Variants in NELL1 observed in about 807,000 individuals in gnomAD.
The protein encoded by NELL1 is neural EGFL like 1.
NELL1 carries 76 observed loss-of-function variants against 107.4 expected under a neutral mutation model. The ratio of observed to expected loss-of-function variants is 0.71; its 90% confidence interval spans 0.59 to 0.86. NELL1 has a LOEUF of 0.86. Ranked by LOEUF, NELL1 falls within the 40% of genes least tolerant of loss-of-function variation. NELL1 has a pLI of 0.00. For synonymous variants in NELL1, 353 were observed against 341.2 expected (o/e 1.03, Z -0.38); for missense variants, 1,024 against 1,005.5 (o/e 1.02, Z -0.25).
intron 15 of NELL1, among the ~76,000 whole-genome samples, chr11:21,476,877 A>T (rs1425530394): frequency 6.6e-6 from 1 of 152,156 alleles, no homozygotes; most frequent in African/African-American, 2.4e-5. Flanking sequence ...TAGGCAGAAC[A>T]CAGCTGGTGT....
chr11:20,909,270 G>A (rs1257028029), intron 5 of NELL1, among the ~76,000 whole-genome samples: 2 of 152,140 alleles, frequency 1.3e-5, no homozygotes, highest in African/African-American at 4.8e-5. Context: ...ATAACACTGT[G>A]AATGTATTTA....
chr11:21,075,682 G>T (rs955451075), intron 12 of NELL1, among the ~76,000 whole-genome samples: 2 of 152,172 alleles, frequency 1.3e-5, no homozygotes, highest in African/African-American at 4.8e-5. Flanking sequence ...CTATGCTCAA[G>T]TGATCCTCCT....
In NELL1 at chr11:21,570,825, TC is replaced by T; in HGVS notation, c.2043del (p.Cys682ValfsTer14). Reference sequence around the variant, plus strand: ...TGCCAGAATCCAAGTGCTGACCTATTCTGTTGCCCAGAATGTGACACCAGAG... The same window carrying T: ...TGCCAGAATCCAAGTGCTGACCTATTTGTTGCCCAGAATGTGACACCAGAG... The part of the protein sequence containing the change: ...CDCQNPSADL[F>X]CCPECDTRVT... On this transcript the variant is annotated frameshift_variant, in exon 18 of 20. Coordinates refer to ENST00000357134, the MANE Select transcript of NELL1 (RefSeq NM_006157.5). LOFTEE classifies it high-confidence loss of function. The T allele has an allele frequency of 1.2e-6, 2 of 1,611,974 alleles. No homozygotes were observed. Among genetic ancestry groups the T allele is most frequent in the Non-Finnish European group, 1.7e-6 (2 of 1,178,696 alleles).
intron 3 of NELL1, among the ~76,000 whole-genome samples, chr11:20,822,420 A>G (rs1857776925): frequency 6.6e-6 from 1 of 152,214 alleles, no homozygotes; most frequent in African/African-American, 2.4e-5. Context: ...ATAAATGCCT[A>G]GTATATTTTG....
chr11:21,510,427 G>T (rs1488627824), intron 15 of NELL1, among the ~76,000 whole-genome samples: 4 of 152,150 alleles, frequency 2.6e-5, no homozygotes, highest in Middle Eastern at 3.2e-3. Flanking sequence ...AAGCATGAAG[G>T]AAAGTTCAGT....
chr11:20,703,160 A>G (rs1188579675), intron 2 of NELL1, among the ~76,000 whole-genome samples: 1 of 152,080 alleles, frequency 6.6e-6, no homozygotes, highest in Non-Finnish European at 1.5e-5. Flanking sequence ...GTAGGCTATT[A>G]CTTATTGCCT....
At chr11:21,407,157 TGTAATCCCA>T (rs1852256164) in intron 15 of NELL1, among the ~76,000 whole-genome samples, 1 of 152,094 alleles carries the variant, frequency 6.6e-6, no homozygotes, top group South Asian at 2.1e-4. Context: ...GGCTCATACC[TGTAATCCCA>T]GCACTTTGGG....
chr11:21,285,710 C>A (rs1436394583), intron 14 of NELL1, among the ~76,000 whole-genome samples: 2 of 152,142 alleles, frequency 1.3e-5, no homozygotes, highest in Non-Finnish European at 2.9e-5. Context: ...AGAGAACTAT[C>A]GATTGTAAAC....
intron 13 of NELL1, among the ~76,000 whole-genome samples, chr11:21,164,240 T>C (rs932497851): frequency 2.0e-5 from 3 of 152,210 alleles, no homozygotes; most frequent in African/African-American, 7.2e-5. Context: ...TTTTTATATA[T>C]GGGTTTTTTC....
intron 14 of NELL1, among the ~76,000 whole-genome samples, chr11:21,328,689 A>G (rs1590841531): frequency 6.6e-6 from 1 of 152,150 alleles, no homozygotes; most frequent in Non-Finnish European, 1.5e-5. Flanking sequence ...GGGGAGCTAT[A>G]CCCTGCAAAG....
intron 2 of NELL1, among the ~76,000 whole-genome samples, chr11:20,748,494 A>T (rs1262111270): frequency 5.9e-5 from 9 of 152,292 alleles, no homozygotes; most frequent in South Asian, 4.1e-4. Context: ...ATTTTAGTGT[A>T]CCCATCATCT....
intron 15 of NELL1, among the ~76,000 whole-genome samples, chr11:21,501,931 C>A (rs913042026): frequency 1.3e-5 from 2 of 152,206 alleles, no homozygotes; most frequent in South Asian, 4.1e-4. Context: ...TGTTCTATTA[C>A]CACCCCTGGC....
chr11:21,131,334 CA>C (rs1402915436), intron 13 of NELL1, among the ~76,000 whole-genome samples: 1 of 152,164 alleles, frequency 6.6e-6, no homozygotes, highest in Non-Finnish European at 1.5e-5. Flanking sequence ...TTTGTGTCAG[CA>C]TTCACCATGA....
intron 2 of NELL1, among the ~76,000 whole-genome samples, chr11:20,706,524 TGGG>T (rs1854961457): frequency 4.1e-5 from 1 of 24,612 alleles, no homozygotes; most frequent in Non-Finnish European, 6.9e-5. Context: ...GTTGTGGGGT[TGGG>T]GGGGAGGGGG....
At chr11:21,401,678 A>G (rs2133797417) in intron 15 of NELL1, among the ~76,000 whole-genome samples, 1 of 151,848 alleles carries the variant, frequency 6.6e-6, no homozygotes, top group Admixed American at 6.6e-5. Context: ...CAGACTCATT[A>G]GCATTTCTGG....
At chr11:21,402,866 A>T (rs1852132641) in intron 15 of NELL1, among the ~76,000 whole-genome samples, 1 of 151,750 alleles carries the variant, frequency 6.6e-6, no homozygotes, top group African/African-American at 2.4e-5. Context: ...CTGCTAAAGT[A>T]GCCCTGAAAC....
chr11:21,343,192 A>G (rs922904542), intron 14 of NELL1, among the ~76,000 whole-genome samples: 2 of 150,692 alleles, frequency 1.3e-5, no homozygotes, highest in Admixed American at 1.3e-4. Context: ...TAAAGTCCAG[A>G]CTCCCCAGCA....
chr11:20,985,165 T>A (rs1270267398), intron 12 of NELL1, among the ~76,000 whole-genome samples: 8 of 152,182 alleles, frequency 5.3e-5, no homozygotes. Flanking sequence ...ATTCTTTGAA[T>A]AGTAGAAAAT....
chr11:21,156,221 AT>A (rs903395174), intron 13 of NELL1, among the ~76,000 whole-genome samples: 5 of 152,002 alleles, frequency 3.3e-5, no homozygotes, highest in East Asian at 1.9e-4. Context: ...AAGGAAGGAA[AT>A]TTTTTTTTAA....
Sources: gnomAD v4.1 joint callset for allele counts (sites outside exome capture counted in the v4.1 genomes callset) on GRCh38, gnomAD v4.1.1 for gene constraint, MANE v1.5 for transcripts, NCBI Gene and HGNC (gene_info 2026-07-23, HGNC 2026-07-21) for gene names.